PCDHGA8: variants seen among roughly 807,000 people sequenced by gnomAD.
PCDHGA8 encodes protocadherin gamma subfamily A, 8.
Under a neutral mutation model 59.2 loss-of-function variants are expected in PCDHGA8, and 45 were observed. The observed-to-expected ratio is 0.76, with a 90% CI of 0.60 to 0.98. The LOEUF is 0.98. Ranked by LOEUF, PCDHGA8 falls within the 50% of genes least tolerant of loss-of-function variation. PCDHGA8 has a pLI of 0.00. For synonymous variants in PCDHGA8, 531 were observed against 519.0 expected, an observed-to-expected ratio of 1.02 and a Z score of -0.32; for missense variants, 1,257 against 1,196.2, an observed-to-expected ratio of 1.05 and a Z score of -0.75.
chr5:141,400,783 T>G (rs2094075214), intron 1 of PCDHGA8: 1 of 566,968 alleles, frequency 1.8e-6, no homozygotes, highest in African/African-American at 1.9e-5. Flanking sequence ...TGCGTTTTTT[T>G]GTCCTCTTTC....
chr5:141,437,037 A>G (rs1410732155), intron 1 of PCDHGA8, among the ~76,000 whole-genome samples: 2 of 152,264 alleles, frequency 1.3e-5, no homozygotes, highest in Admixed American at 1.3e-4. Flanking sequence ...TGGATCACCG[A>G]AACCAGAAGG....
chr5:141,509,148 C>T (rs1345910772), intron 3 of PCDHGA8, among the ~76,000 whole-genome samples: 1 of 152,198 alleles, frequency 6.6e-6, no homozygotes, highest in Non-Finnish European at 1.5e-5. Context: ...CATCCCGGCT[C>T]TCCCCTCCCG....
chr5:141,442,697 G>C (rs1443734141), intron 1 of PCDHGA8, among the ~76,000 whole-genome samples: 2 of 152,258 alleles, frequency 1.3e-5, no homozygotes, highest in East Asian at 1.9e-4. Flanking sequence ...AGGCAGACAA[G>C]AGTATCAGAC....
intron 1 of PCDHGA8, chr5:141,409,520 T>A (rs1177702875): frequency 6.2e-7 from 1 of 1,613,848 alleles, no homozygotes; most frequent in East Asian, 2.2e-5. Flanking sequence ...AAGCATCACC[T>A]TGTATGTCGC....
intron 1 of PCDHGA8, among the ~76,000 whole-genome samples, chr5:141,437,411 T>C (rs1014219268): frequency 1.1e-4 from 17 of 152,222 alleles, no homozygotes; most frequent in African/African-American, 4.1e-4. Flanking sequence ...TCCAGAAGTA[T>C]TATGCTTTTT....
chr5:141,398,587 C>T, intron 1 of PCDHGA8: 5 of 1,613,860 alleles, frequency 3.1e-6, no homozygotes, highest in Non-Finnish European at 3.4e-6. Context: ...AAGATTTATA[C>T]TAGAAGTAGC....
chr5:141,494,901 G>C, intron 2 of PCDHGA8, 36 bp downstream of exon 2: 1 of 1,614,050 alleles, frequency 6.2e-7, no homozygotes, highest in Non-Finnish European at 8.5e-7. Context: ...CCTCTTCTCT[G>C]CGGCATTTTC....
At chr5:141,419,051 T>A (rs1007349455) in intron 1 of PCDHGA8, 6 of 1,613,950 alleles carry the variant, frequency 3.7e-6, no homozygotes, top group East Asian at 2.2e-5. Context: ...TCATTCTTCT[T>A]CTAATAATTA....
At chr5:141,473,548 C>A (rs1158305951) in intron 1 of PCDHGA8, among the ~76,000 whole-genome samples, 3 of 152,118 alleles carry the variant, frequency 2.0e-5, no homozygotes, top group South Asian at 2.1e-4. Context: ...TAATGGAAGA[C>A]CTCTATTAGG....
chr5:141,399,859 G>A (rs2093908235), intron 1 of PCDHGA8: 1 of 1,612,726 alleles, frequency 6.2e-7, no homozygotes, highest in Admixed American at 1.7e-5. Flanking sequence ...GCCGCGCGCT[G>A]CAGAGCCCGG....
chr5:141,400,736 G>A, intron 1 of PCDHGA8: 1 of 630,462 alleles, frequency 1.6e-6, no homozygotes, highest in Non-Finnish European at 2.7e-6. Context: ...AGTAGTGAGA[G>A]TTTGCTCTTA....
rs1039645331 is a variant in PCDHGA8, at chr5:141,420,373, T to C, written c.2424+25136T>C. ...TTTAAGATTCTAGATAACTTCTTCA[T>C]AGAGTTCGCAAAATATAGGTCAAAT... is the stretch of plus-strand genomic sequence containing the variant. On this transcript the variant is annotated intron_variant, in intron 1 of 3. Coordinates refer to ENST00000398604, the MANE Select transcript of PCDHGA8 (RefSeq NM_032088.2). 21 of 1,337,592 alleles carry C rather than the reference T, an allele frequency of 1.6e-5. No homozygotes were observed. In the African/African-American group the frequency reaches 2.4e-4, roughly 15 times the overall value. The allele number at this position is 1,337,592 out of a possible 1,614,324, so 82.9% of individuals were successfully genotyped here. A position where few individuals can be genotyped will look rare whatever the true frequency, so the allele number is the denominator to read the frequency against.
chr5:141,438,579 CATACATACATACATATAT>C (rs1303045573), intron 1 of PCDHGA8, among the ~76,000 whole-genome samples: 21 of 55,772 alleles, frequency 3.8e-4, no homozygotes, highest in Admixed American at 1.1e-3. Context: ...GATATACATA[CATACATACATACATATAT>C]ATATATATAT....
intron 1 of PCDHGA8, among the ~76,000 whole-genome samples, chr5:141,450,166 T>TCCCACCACACC (rs1046248061): frequency 2.0e-5 from 3 of 151,062 alleles, no homozygotes; most frequent in African/African-American, 7.3e-5. Flanking sequence ...GCCACCACAC[T>TCCCACCACACC]CCCACCACAC....
rs202183643 is a variant in PCDHGA8 at position 141,490,646 on chromosome 5, C to T, written c.2425-4161C>T. 9 of 1,614,186 alleles carry T rather than the reference C, an allele frequency of 5.6e-6. No homozygotes were observed. Among genetic ancestry groups the T allele is most frequent in the African/African-American group, 2.7e-5 (2 of 75,054 alleles). ...GCTTACATCCTAGAAAACCGGCCTC[C>T]GGGCTCCCTTCTTTGCACTGTGGCT... On this transcript the variant is annotated intron_variant, in intron 1 of 3. Transcript: ENST00000398604. The surrounding 1 kb of genome is among the most constrained non-coding windows in gnomAD (Gnocchi z 5.4).
At chr5:141,399,205 A>G (rs1344993471) in intron 1 of PCDHGA8, 1 of 1,613,982 alleles carries the variant, frequency 6.2e-7, no homozygotes, top group Admixed American at 1.7e-5. Flanking sequence ...GGTGCCTGGA[A>G]CACTAATTGC....
chr5:141,500,484 C>T (rs2099800696), intron 2 of PCDHGA8, among the ~76,000 whole-genome samples: 1 of 152,304 alleles, frequency 6.6e-6, no homozygotes, highest in Non-Finnish European at 1.5e-5. Context: ...GCTGGGATTA[C>T]AGGCGTGAGC....
intron 1 of PCDHGA8, among the ~76,000 whole-genome samples, chr5:141,454,657 C>T (rs554561906): frequency 5.1e-4 from 77 of 152,192 alleles, no homozygotes; most frequent in African/African-American, 1.7e-3. Flanking sequence ...CTGCCCACCT[C>T]GGCCTCCCAA....
Position 141,431,614 on chromosome 5 carries a change from C to G in PCDHGA8, c.2424+36377C>G. ...TGAGGTATTCCTTCCGGTATGTGGACGACAAGGCGGCCCAAGTTTTCAAAC... is the reference window on the plus strand; with the variant it reads ...TGAGGTATTCCTTCCGGTATGTGGAGGACAAGGCGGCCCAAGTTTTCAAAC... On this transcript the variant is annotated intron_variant, in intron 1 of 3. Coordinates refer to ENST00000398604, the MANE Select transcript of PCDHGA8 (RefSeq NM_032088.2). This position sits in a 1 kb window ranked among gnomAD's most constrained non-coding sequence, Gnocchi z 4.8. 6.2e-7 allele frequency: 1 copy of G among 1,614,206 alleles called. No homozygotes were observed. The highest frequency in any genetic ancestry group is 1.1e-5 in the South Asian group (1 of 91,092).
Sources: gnomAD v4.1 joint callset for allele counts (sites outside exome capture counted in the v4.1 genomes callset) on GRCh38, gnomAD v4.1.1 for gene constraint, Gnocchi (gnomAD v3.1) non-coding constraint, MANE v1.5 for transcripts, NCBI Gene and HGNC (gene_info 2026-07-23, HGNC 2026-07-21) for gene names.